PNPLA7: variants seen among roughly 807,000 people sequenced by gnomAD.
PNPLA7 encodes the protein patatin like domain 7, lysophospholipase.
Under a neutral mutation model 161.7 loss-of-function variants are expected in PNPLA7, and 153 were observed. The ratio of observed to expected loss-of-function variants is 0.95; its 90% confidence interval spans 0.83 to 1.08. The LOEUF (loss-of-function observed/expected upper bound fraction) is 1.08. Ranked by LOEUF, PNPLA7 falls within the 50% of genes least tolerant of loss-of-function variation. The pLI is 0.00. For synonymous variants in PNPLA7, 809 were observed against 782.1 expected (o/e 1.03, Z -0.57); for missense variants, 1,739 against 1,856.6 (o/e 0.94, Z 1.16).
Position 137,524,821 on chromosome 9 carries a change from C to A in PNPLA7, c.748-1964G>T, listed in dbSNP as rs915859955. The stretch of plus-strand genomic sequence containing the variant: ...CGTGGATGCCCCGTGGAATGAGTTT[C>A]CGTGGATGCCCCGTGGAATGAGTTT... On this transcript the variant is annotated intron_variant, in intron 8 of 34. Coordinates refer to ENST00000406427, the MANE Select transcript of PNPLA7 (RefSeq NM_001098537.3). The surrounding 1 kb of genome is among the most constrained non-coding windows in gnomAD (Gnocchi z 4.4). Among the ~76,000 whole-genome samples the A allele has an allele frequency of 2.0e-5, 3 of 151,996 alleles. No homozygotes were observed. The highest frequency in any genetic ancestry group is 7.3e-5 in the African/African-American group (3 of 41,350).
At position 137,548,790 on chromosome 9, in the gene PNPLA7, C is replaced by T. The variant is rs577378159; in HGVS notation, c.31-1131G>A. ...GGGAAGTCAGAAGAGCACTCAGAAACGCATTTAAAGACACAATTCTGCACC... is the reference window on the plus strand; with the variant it reads ...GGGAAGTCAGAAGAGCACTCAGAAATGCATTTAAAGACACAATTCTGCACC... On this transcript the variant is annotated intron_variant, in intron 1 of 34. Coordinates refer to ENST00000406427, the MANE Select transcript of PNPLA7 (RefSeq NM_001098537.3). Among the ~76,000 whole-genome samples the T allele has an allele frequency of 1.8e-4, 27 of 152,250 alleles. No homozygotes were observed. In the East Asian group the frequency reaches 3.7e-3, roughly 21 times the overall value.
chr9:137,547,436 A>T lies in PNPLA7; in HGVS notation c.106-40T>A. Reference sequence around the variant, plus strand: ...AAACACGGCGCCCATCAGCAAAGCCACAAACCTAACCCTAGCCCTAAGCCT... The same window carrying T: ...AAACACGGCGCCCATCAGCAAAGCCTCAAACCTAACCCTAGCCCTAAGCCT... On this transcript the variant is annotated intron_variant, in intron 2 of 34. Coordinates refer to ENST00000406427, the MANE Select transcript of PNPLA7 (RefSeq NM_001098537.3). This position sits in a 1 kb window ranked among gnomAD's most constrained non-coding sequence, Gnocchi z 4.6. 1 of 1,610,006 alleles carries T rather than the reference A, an allele frequency of 6.2e-7. No individual in the cohort carries two copies. Among genetic ancestry groups the T allele is most frequent in the Non-Finnish European group, 8.5e-7 (1 of 1,177,130 alleles).
intron 25 of PNPLA7, among the ~76,000 whole-genome samples, chr9:137,471,399 G>A (rs907090963): frequency 2.6e-5 from 4 of 152,102 alleles, no homozygotes; most frequent in Admixed American, 6.5e-5. Flanking sequence ...AGGAGTTCAA[G>A]ACCAGCCTGG....
chr9:137,521,745 C>T (rs761915067), intron 9 of PNPLA7, 29 bp from the exon 10 acceptor site: 2 of 1,599,728 alleles, frequency 1.3e-6, no homozygotes, highest in Non-Finnish European at 8.5e-7. Flanking sequence ...TGCGCGGTGA[C>T]CACCGGCCTG....
rs1240871933 is a variant in PNPLA7, at chr9:137,500,885, G to A, written c.1563C>T (p.Ile521=). The A allele has an allele frequency of 6.4e-7, 1 of 1,572,312 alleles. No individual in the cohort carries two copies. The highest frequency in any genetic ancestry group is 1.2e-5 in the South Asian group (1 of 86,384). ...VSRQGDQDAS[I]LFVVSGLLHV... is the part of the protein sequence containing the mutation. ...GCAGCAGCCCCGAGACCACGAACAGGATGCTGGCGTCCTGACACACGAGAG... is the reference window on the plus strand; with the variant it reads ...GCAGCAGCCCCGAGACCACGAACAGAATGCTGGCGTCCTGACACACGAGAG... Residue 521 remains isoleucine, a synonymous_variant, in exon 16 of 35, where the codon ATC becomes ATT. Coordinates refer to ENST00000406427, the MANE Select transcript of PNPLA7 (RefSeq NM_001098537.3). The surrounding 1 kb of genome is among the most constrained non-coding windows in gnomAD (Gnocchi z 5.5).
chr9:137,548,164 C>T (rs190868281), intron 1 of PNPLA7, among the ~76,000 whole-genome samples: 54 of 152,156 alleles, frequency 3.5e-4, no homozygotes, highest in African/African-American at 1.2e-3. Context: ...TCCAGGTCCG[C>T]GGGAGGGAGG....
chr9:137,520,800 G>A lies in PNPLA7; in HGVS notation c.958-757C>T, dbSNP rs1042008905. ...TTGACAGCCTTGTGCCCTTGACAATGCGCTGTACCCTCCAAACGCGTCACA... is the reference window on the plus strand; with the variant it reads ...TTGACAGCCTTGTGCCCTTGACAATACGCTGTACCCTCCAAACGCGTCACA... On this transcript the variant is annotated intron_variant, in intron 10 of 34. Coordinates refer to ENST00000406427, the MANE Select transcript of PNPLA7 (RefSeq NM_001098537.3). The surrounding 1 kb of genome is among the most constrained non-coding windows in gnomAD (Gnocchi z 5.2). Among the ~76,000 whole-genome samples the A allele has an allele frequency of 5.9e-5, 9 of 152,210 alleles. No homozygotes were observed. The highest frequency in any genetic ancestry group is 2.2e-4 in the African/African-American group (9 of 41,462).
At position 137,547,354 on chromosome 9, in the gene PNPLA7, C is replaced by A; in HGVS notation, c.148G>T (p.Val50Phe). 6.2e-7 allele frequency: 1 copy of A among 1,613,608 alleles called. No individual in the cohort carries two copies. ...AVGALLALAL[V>F]GVLILFMFRR... ...AACATGAAAAGGATGAGGACACCAACCAAGGCCAGGGCCAGGAGGGCTCCA... is the reference window on the plus strand; with the variant it reads ...AACATGAAAAGGATGAGGACACCAAACAAGGCCAGGGCCAGGAGGGCTCCA... The change falls in exon 3 of 35, where the codon GTT (valine) becomes TTT (phenylalanine). Residue 50 changes from valine to phenylalanine, a missense_variant. Val to Phe is a conservative substitution (Grantham distance 50). This residue lies in a region of PNPLA7 where 209 missense variants were observed against 252.8 expected (regional missense o/e 0.83). Coordinates refer to ENST00000406427, the MANE Select transcript of PNPLA7 (RefSeq NM_001098537.3). The surrounding 1 kb of genome is among the most constrained non-coding windows in gnomAD (Gnocchi z 4.6).
In PNPLA7 at chr9:137,543,720, G is replaced by T. The variant is rs369930530; in HGVS notation, c.365+4C>A. ...CAGGATGTGGTCTGAAGGACACACA[G>T]TACCTCTTGGCCAAAGACAGCACCT... On this transcript the variant is annotated splice_donor_region_variant and intron_variant, in intron 5 of 34. Transcript: ENST00000406427. This position sits in a 1 kb window ranked among gnomAD's most constrained non-coding sequence, Gnocchi z 6.9. The T allele has an allele frequency of 6.2e-7, 1 of 1,613,880 alleles. No individual in the cohort carries two copies. Among genetic ancestry groups the T allele is most frequent in the Non-Finnish European group, 8.5e-7 (1 of 1,179,812 alleles).
At chr9:137,483,716 CA>C (rs1466042749) in intron 21 of PNPLA7, among the ~76,000 whole-genome samples, 1 of 152,082 alleles carries the variant, frequency 6.6e-6, no homozygotes, top group Non-Finnish European at 1.5e-5. Flanking sequence ...CTCGGCCTCC[CA>C]AAGTGCTGGG....
chr9:137,464,329 T>TG lies in PNPLA7; in HGVS notation c.3156+10dup. On this transcript the variant is annotated intron_variant, in intron 27 of 34. Transcript: ENST00000406427. ...TGGGGGCTGCATGGGCTCCTGAGGG[T>TG]GGGGGTGCACCTCGATCTGCTGGTC... is the stretch of plus-strand genomic sequence containing the variant. The TG allele has an allele frequency of 1.2e-6, 2 of 1,611,286 alleles. No homozygotes were observed. Among genetic ancestry groups the TG allele is most frequent in the South Asian group, 1.1e-5 (1 of 91,002 alleles).
chr9:137,490,262 T>C lies in PNPLA7; in HGVS notation c.2197+2751A>G, dbSNP rs934209808. On this transcript the variant is annotated intron_variant, in intron 20 of 34. Transcript: ENST00000406427. This position sits in a 1 kb window ranked among gnomAD's most constrained non-coding sequence, Gnocchi z 4.1. ...GTGTGTGCTAACATGCCTGGATCAT[T>C]TTTCAAATTTTATTCATAGAGACAG... Among the ~76,000 whole-genome samples, 2 of 152,110 alleles carry C rather than the reference T, an allele frequency of 1.3e-5. No homozygotes were observed. The highest frequency in any genetic ancestry group is 2.9e-5 in the Non-Finnish European group (2 of 68,026).
In PNPLA7 at chr9:137,467,206, G is replaced by T; in HGVS notation, c.3039+111C>A. ...GGAGGCTTCAGGGGGTAGCCTCCTCGAGGGCAGGGCCCTGCAGAGCCACAT... is the reference window on the plus strand; with the variant it reads ...GGAGGCTTCAGGGGGTAGCCTCCTCTAGGGCAGGGCCCTGCAGAGCCACAT... On this transcript the variant is annotated intron_variant, in intron 26 of 34. Coordinates refer to ENST00000406427, the MANE Select transcript of PNPLA7 (RefSeq NM_001098537.3). This position sits in a 1 kb window ranked among gnomAD's most constrained non-coding sequence, Gnocchi z 5.1. 1 of 1,399,192 alleles carries T rather than the reference G, an allele frequency of 7.1e-7. No individual in the cohort carries two copies. The allele number at this position is 1,399,192 out of a possible 1,614,324, so 86.7% of individuals were successfully genotyped here. A position where few individuals can be genotyped will look rare whatever the true frequency, so the allele number is the denominator to read the frequency against.
chr9:137,468,004 C>T lies in PNPLA7; in HGVS notation c.2883-531G>A, dbSNP rs985210420. The stretch of plus-strand genomic sequence containing the variant: ...GGAGGAAGGTGTCCTGAGAGTTGAC[C>T]GGCATTGGCCTCTTCTACCCGGAAA... On this transcript the variant is annotated intron_variant, in intron 25 of 34. Coordinates refer to ENST00000406427, the MANE Select transcript of PNPLA7 (RefSeq NM_001098537.3). This position sits in a 1 kb window ranked among gnomAD's most constrained non-coding sequence, Gnocchi z 4.0. Among the ~76,000 whole-genome samples the T allele has an allele frequency of 6.6e-6, 1 of 152,132 alleles. No homozygotes were observed. Among genetic ancestry groups the T allele is most frequent in the Non-Finnish European group, 1.5e-5 (1 of 68,020 alleles).
At chr9:137,518,716 C>T (rs1444605448) in intron 11 of PNPLA7, among the ~76,000 whole-genome samples, 1 of 77,552 alleles carries the variant, frequency 1.3e-5, no homozygotes, top group Non-Finnish European at 2.6e-5. Context: ...ACTCCATCCC[C>T]CACTCACTCA....
chr9:137,482,288 G>GTT (rs1388617823), intron 21 of PNPLA7, among the ~76,000 whole-genome samples: 1 of 152,254 alleles, frequency 6.6e-6, no homozygotes, highest in Non-Finnish European at 1.5e-5. Context: ...GCACACAGGT[G>GTT]TTTACAGCAG....
intron 17 of PNPLA7, 143 bp downstream of exon 17, chr9:137,497,971 G>C: frequency 7.7e-7 from 1 of 1,306,152 alleles, no homozygotes; most frequent in Non-Finnish European, 1.1e-6. Flanking sequence ...AGCTGGGGTG[G>C]GGCTGGGGAA....
Position 137,467,278 on chromosome 9 carries a change from G to T in PNPLA7, c.3039+39C>A. Reference sequence around the variant, plus strand: ...GTCCCCCAGCACCAGCAAGGACCTGGGGGCTGTGCTCCGGTGAGGGTGATG... The same window carrying T: ...GTCCCCCAGCACCAGCAAGGACCTGTGGGCTGTGCTCCGGTGAGGGTGATG... On this transcript the variant is annotated intron_variant, in intron 26 of 34. Transcript: ENST00000406427. The surrounding 1 kb of genome is among the most constrained non-coding windows in gnomAD (Gnocchi z 5.1). The T allele has an allele frequency of 6.3e-7, 1 of 1,581,934 alleles. No individual in the cohort carries two copies. The highest frequency in any genetic ancestry group is 2.3e-5 in the East Asian group (1 of 43,374).
chr9:137,467,333 G>A lies in PNPLA7; in HGVS notation c.3023C>T (p.Ala1008Val), dbSNP rs374059906. 1 of 1,613,392 alleles carries A rather than the reference G, an allele frequency of 6.2e-7. No individual in the cohort carries two copies. Among genetic ancestry groups the A allele is most frequent in the East Asian group, 2.2e-5 (1 of 44,864 alleles). ...CCTGCTTACCTCGGCCCACTGCTTG[G>A]CCCGGATCCGCATCTGGCTGTAGTT... ...ERNYSQMRIR[A>V]KQWAEGMTSL... is the part of the protein sequence containing the mutation. The change falls in exon 26 of 35, where the codon GCC becomes GTC. Residue 1008 changes from alanine (A) to valine (V), a missense_variant. Ala to Val is a moderately conservative substitution (Grantham distance 64). Coordinates refer to ENST00000406427, the MANE Select transcript of PNPLA7 (RefSeq NM_001098537.3). The surrounding 1 kb of genome is among the most constrained non-coding windows in gnomAD (Gnocchi z 5.1).
Sources: allele counts gnomAD v4.1 joint callset (sites outside exome capture counted in the v4.1 genomes callset), GRCh38; gene constraint gnomAD v4.1.1; regional missense constraint gnomAD v4.1.1; non-coding constraint Gnocchi (gnomAD v3.1); transcripts MANE v1.5; gene names NCBI Gene and HGNC (gene_info 2026-07-23, HGNC 2026-07-21).